Variants in ABCB10 observed in about 807,000 individuals in gnomAD.
ABCB10 encodes the protein ATP binding cassette subfamily B member 10.
In ABCB10, 54 loss-of-function variants were observed where a neutral mutation model predicts 65.4. That is an observed-to-expected ratio of 0.83 (90% CI 0.66 to 1.04). The LOEUF is 1.04. Among genes scored for constraint, ABCB10 ranks in the 50% least tolerant of loss-of-function variants. ABCB10 has a pLI of 0.00. For synonymous variants in ABCB10, 418 were observed against 406.5 expected, an observed-to-expected ratio of 1.03 and a Z score of -0.34; for missense variants, 846 against 976.6, an observed-to-expected ratio of 0.87 and a Z score of 1.78.
chr1:229,558,561 G>A lies in ABCB10; in HGVS notation c.92C>T (p.Ala31Val). ...GRLLPVACVW[A>V]AASRVPGSLS... Reference sequence around the variant, plus strand: ...GGACCCGGGAACGCGGCTGGCCGCGGCCCACACGCAGGCTACCGGCAGGAG... The same window carrying A: ...GGACCCGGGAACGCGGCTGGCCGCGACCCACACGCAGGCTACCGGCAGGAG... Residue 31 changes from alanine (A) to valine (V), a missense_variant, in exon 1 of 13, where the codon GCC becomes GTC. Transcript: ENST00000344517. 1 of 1,443,454 alleles carries A rather than the reference G, an allele frequency of 6.9e-7. No homozygotes were observed. Among genetic ancestry groups the A allele is most frequent in the Non-Finnish European group, 9.1e-7 (1 of 1,099,934 alleles). 89.4% of individuals were successfully genotyped at this position (1,443,454 alleles called of 1,614,324 possible).
At chr1:229,529,381 T>C (rs1662525986) in intron 8 of ABCB10, among the ~76,000 whole-genome samples, 1 of 135,258 alleles carries the variant, frequency 7.4e-6, no homozygotes, top group Admixed American at 7.8e-5. Context: ...ACATAGAAGT[T>C]AATCACTGGC....
intron 6 of ABCB10, among the ~76,000 whole-genome samples, chr1:229,537,714 C>T (rs536433529): frequency 3.9e-4 from 59 of 152,242 alleles, no homozygotes; most frequent in Non-Finnish European, 7.9e-4. Context: ...TGCTTCAACC[C>T]GGGAGGCGGG....
intron 1 of ABCB10, among the ~76,000 whole-genome samples, chr1:229,553,722 G>A (rs1438142279): frequency 1.3e-5 from 2 of 151,078 alleles, no homozygotes; most frequent in South Asian, 2.1e-4. Context: ...GAACCCTGAC[G>A]AACTCAACCT....
intron 9 of ABCB10, among the ~76,000 whole-genome samples, chr1:229,526,345 G>A (rs568485652): frequency 2.0e-5 from 3 of 152,332 alleles, no homozygotes; most frequent in Non-Finnish European, 4.4e-5. Context: ...TTAGGAATCA[G>A]GAGGCACCAG....
intron 11 of ABCB10, among the ~76,000 whole-genome samples, chr1:229,521,169 T>C (rs765304129): frequency 2.0e-5 from 3 of 152,164 alleles, no homozygotes; most frequent in Non-Finnish European, 4.4e-5. Context: ...TCAGCTAAAA[T>C]GGCTCTTCCC....
intron 11 of ABCB10, among the ~76,000 whole-genome samples, chr1:229,520,530 G>T (rs1226167468): frequency 1.4e-5 from 2 of 145,184 alleles, no homozygotes; most frequent in Non-Finnish European, 3.0e-5. Context: ...AAAAAAAAGA[G>T]ACTAATCTGA....
rs745871501 is a variant in ABCB10 at position 229,549,298 on chromosome 1, G to A, written c.654C>T (p.Leu218=). ...SDNLTRLCLG[L]SAVFLCGAAA... is the part of the protein sequence containing the mutation. ...CAGCACCACACAGAAACACGGCACT[G>A]AGCCCTAGGCAGAGGCGGGTCAGGT... The change falls in exon 2 of 13, where the codon CTC becomes CTT. Residue 218 remains leucine (L), a synonymous_variant. Coordinates refer to ENST00000344517, the MANE Select transcript of ABCB10 (RefSeq NM_012089.3). The A allele has an allele frequency of 6.2e-7, 1 of 1,614,182 alleles. No homozygotes were observed. Among genetic ancestry groups the A allele is most frequent in the African/African-American group, 1.3e-5 (1 of 75,040 alleles).
At chr1:229,552,816 AAC>A (rs1663148939) in intron 1 of ABCB10, among the ~76,000 whole-genome samples, 1 of 152,160 alleles carries the variant, frequency 6.6e-6, no homozygotes, top group African/African-American at 2.4e-5. Flanking sequence ...AGGAATCTCG[AAC>A]ACAGAGAGAG....
intron 3 of ABCB10, among the ~76,000 whole-genome samples, chr1:229,543,309 A>G (rs902189735): frequency 6.6e-6 from 1 of 152,180 alleles, no homozygotes; most frequent in Admixed American, 6.5e-5. Context: ...TGCTGAAAGA[A>G]TAACCTAACT....
chr1:229,535,542 G>C (rs1191676715), intron 6 of ABCB10, among the ~76,000 whole-genome samples: 2 of 152,176 alleles, frequency 1.3e-5, no homozygotes, highest in East Asian at 3.8e-4. Flanking sequence ...GAAACAGTAG[G>C]TTGCAGAAGG....
In ABCB10 at chr1:229,558,611, T is replaced by C. The variant is rs1369031700; in HGVS notation, c.42A>G (p.Pro14=). Residue 14 remains proline (P), a synonymous_variant, in exon 1 of 13, where the codon CCA becomes CCG. Coordinates refer to ENST00000344517, the MANE Select transcript of ABCB10 (RefSeq NM_012089.3). ...PPAWPLRLLE[P]PSPAEPGRLL... ...GCCGACCTGGCTCGGCAGGGCTCGG[T>C]GGCTCGAGCAGCCGCAGCGGCCAGG... 2.9e-5 allele frequency: 41 copies of C among 1,424,656 alleles called. No individual in the cohort carries two copies. Among genetic ancestry groups the C allele is most frequent in the Non-Finnish European group, 3.8e-5 (41 of 1,090,478 alleles). The allele number at this position is 1,424,656 out of a possible 1,614,324, so 88.3% of individuals were successfully genotyped here. A position where few individuals can be genotyped will look rare whatever the true frequency, so the allele number is the denominator to read the frequency against.
rs1176229657 is a variant in ABCB10 at position 229,558,389 on chromosome 1, C to G, written c.264G>C (p.Arg88=). 8.1e-7 allele frequency: 1 copy of G among 1,236,804 alleles called. No individual in the cohort carries two copies. The highest frequency in any genetic ancestry group is 1.0e-6 in the Non-Finnish European group (1 of 983,200). The allele number at this position is 1,236,804 out of a possible 1,614,324, so 76.6% of individuals were successfully genotyped here. ...GGCCGCGAGCCCACAGCCCCAGGAG[C>G]CGCGCGAGGCCCAGGACGCCCCGCG... ...GASRGVLGLA[R]LLGLWARGPG... is the part of the protein sequence containing the mutation. Residue 88 remains arginine, a synonymous_variant, in exon 1 of 13, where the codon CGG becomes CGC. Transcript: ENST00000344517.
At chr1:229,556,372 CAAAA>C (rs58690289) in intron 1 of ABCB10, among the ~76,000 whole-genome samples, 1 of 88,752 alleles carries the variant, frequency 1.1e-5, no homozygotes, top group Non-Finnish European at 2.4e-5. Context: ...AACTCCATCT[CAAAA>C]AAAAAAAAAA....
Position 229,549,367 on chromosome 1 carries a change from G to A in ABCB10, c.585C>T (p.Ile195=). 6.2e-7 allele frequency: 1 copy of A among 1,614,100 alleles called. No individual in the cohort carries two copies. Among genetic ancestry groups the A allele is most frequent in the Non-Finnish European group, 8.5e-7 (1 of 1,180,028 alleles). Residue 195 remains isoleucine (I), a synonymous_variant, in exon 2 of 13, where the codon ATC becomes ATT. Coordinates refer to ENST00000344517, the MANE Select transcript of ABCB10 (RefSeq NM_012089.3). ...SMSAPFFLGK[I]IDVIYTNPTV... Reference sequence around the variant, plus strand: ...TGGGGTTGGTATAGATGACATCAATGATCTTCCCCAGGAAGAAAGGGGCAG... The same window carrying A: ...TGGGGTTGGTATAGATGACATCAATAATCTTCCCCAGGAAGAAAGGGGCAG...
intron 6 of ABCB10, among the ~76,000 whole-genome samples, chr1:229,534,378 T>C (rs1289250234): frequency 6.6e-6 from 1 of 152,084 alleles, no homozygotes; most frequent in African/African-American, 2.4e-5. Flanking sequence ...CTTACAAAAC[T>C]AAAATTTTTT....
At position 229,558,117 on chromosome 1, in the gene ABCB10, T is replaced by A. The variant is rs1023812651; in HGVS notation, c.517+19A>T. 2.2e-6 allele frequency: 3 copies of A among 1,351,398 alleles called. No individual in the cohort carries two copies. In the African/African-American group the frequency reaches 4.6e-5, roughly 21 times the overall value. 83.7% of individuals were successfully genotyped at this position (1,351,398 alleles called of 1,614,324 possible). A position where few individuals can be genotyped will look rare whatever the true frequency, so the allele number is the denominator to read the frequency against. On this transcript the variant is annotated intron_variant, in intron 1 of 12. Transcript: ENST00000344517. Reference sequence around the variant, plus strand: ...GAAGGAGAGGCCCGGCGGAGGGAAGTGGCCGGGGAGGACCCTACCTGCCAG... The same window carrying A: ...GAAGGAGAGGCCCGGCGGAGGGAAGAGGCCGGGGAGGACCCTACCTGCCAG...
chr1:229,539,688 T>G (rs1009842675), intron 5 of ABCB10, 97 bp from the exon 6 acceptor site: 5 of 1,388,654 alleles, frequency 3.6e-6, no homozygotes, highest in Admixed American at 2.6e-5. Flanking sequence ...TTCATTCAAC[T>G]GTCACAGCAA....
At chr1:229,550,624 G>A (rs139783817) in intron 1 of ABCB10, among the ~76,000 whole-genome samples, 342 of 151,522 alleles carry the variant, frequency 2.3e-3, no homozygotes, top group South Asian at 4.2e-3. Flanking sequence ...AGGCCAAGGC[G>A]GGTAGGTCAC....
intron 6 of ABCB10, among the ~76,000 whole-genome samples, chr1:229,535,976 T>C: frequency 6.6e-6 from 1 of 152,038 alleles, no homozygotes; most frequent in Non-Finnish European, 1.5e-5. Flanking sequence ...TCTGCCCGCC[T>C]CAGCCTCGCA....
Sources: gnomAD v4.1 joint callset for allele counts (sites outside exome capture counted in the v4.1 genomes callset) on GRCh38, gnomAD v4.1.1 for gene constraint, MANE v1.5 for transcripts, NCBI Gene and HGNC (gene_info 2026-07-23, HGNC 2026-07-21) for gene names.